Variants in MMP28 observed in about 807,000 individuals in gnomAD.
The protein encoded by MMP28 is matrix metalloproteinase-28.
A neutral mutation model predicts 60.5 loss-of-function variants in MMP28; 55 were observed. That is an observed-to-expected ratio of 0.91 (90% CI 0.73 to 1.14). The LOEUF (loss-of-function observed/expected upper bound fraction) is 1.14, where lower values mean the gene tolerates loss of function less well. Among genes scored for constraint, MMP28 ranks in the 50% most tolerant of loss-of-function variants. The pLI is 0.00. For synonymous variants in MMP28, 318 were observed against 312.5 expected, an observed-to-expected ratio of 1.02 and a Z score of -0.18; for missense variants, 686 against 738.3, an observed-to-expected ratio of 0.93 and a Z score of 0.82.
At chr17:35,777,654 T>C (rs534209090) in intron 3 of MMP28, among the ~76,000 whole-genome samples, 77 of 152,232 alleles carry the variant, frequency 5.1e-4, no homozygotes, top group Admixed American at 1.2e-3. Flanking sequence ...TAATGATAGA[T>C]GAAAACCTGG....
intron 2 of MMP28, among the ~76,000 whole-genome samples, chr17:35,759,239 G>A (rs2085774424): frequency 6.6e-6 from 1 of 152,216 alleles, no homozygotes; most frequent in Admixed American, 6.5e-5. Flanking sequence ...TAAAGAGAAT[G>A]AGCTTGTTGG....
downstream of MMP28, among the ~76,000 whole-genome samples, chr17:35,761,932 A>G (rs1227242258): frequency 6.6e-6 from 1 of 152,194 alleles, no homozygotes; most frequent in Non-Finnish European, 1.5e-5. Flanking sequence ...CATGAGCAGT[A>G]CCTTTGCTCT....
intron 5 of MMP28, among the ~76,000 whole-genome samples, chr17:35,768,781 G>A (rs1486493681): frequency 6.6e-6 from 1 of 152,114 alleles, no homozygotes; most frequent in Non-Finnish European, 1.5e-5. Flanking sequence ...CTGCACGCTA[G>A]CCTGGGTGAC....
downstream of MMP28, chr17:35,764,095 C>T: frequency 1.3e-6 from 2 of 1,549,912 alleles, no homozygotes; most frequent in Non-Finnish European, 1.7e-6. Context: ...GGTCGGAGGA[C>T]GAGGACGAGG....
chr17:35,787,704 G>T (rs2086691940), intron 1 of MMP28, among the ~76,000 whole-genome samples: 1 of 152,106 alleles, frequency 6.6e-6, no homozygotes, highest in Non-Finnish European at 1.5e-5. Flanking sequence ...GGCCAGGCTG[G>T]TCTCAAACTC....
downstream of MMP28, chr17:35,763,897 A>T (rs942022106): frequency 1.4e-5 from 9 of 654,352 alleles, no homozygotes; most frequent in Non-Finnish European, 1.7e-5. Flanking sequence ...ACCCTGTCTC[A>T]AAATAAATAA....
At chr17:35,778,838 C>T in intron 3 of MMP28, 50 bp downstream of exon 3, 1 of 1,613,990 alleles carries the variant, frequency 6.2e-7, no homozygotes, top group Non-Finnish European at 8.5e-7. Context: ...TAGCCATTGG[C>T]TTCAAGACAT....
rs148485523 is a variant in MMP28, at chr17:35,774,841, G to A, written c.380-1437C>T. Among the ~76,000 whole-genome samples, 984 of 152,324 alleles carry A rather than the reference G, an allele frequency of 6.5e-3. 11 individuals are homozygous for A. The highest frequency in any genetic ancestry group is 0.023 in the African/African-American group (941 of 41,570). ...GGGAAGACCTGGGGTCCAGAGGTGCGGCTGAGGGTTTGTGATGTACCAGTC... is the reference window on the plus strand; with the variant it reads ...GGGAAGACCTGGGGTCCAGAGGTGCAGCTGAGGGTTTGTGATGTACCAGTC... On this transcript the variant is annotated intron_variant, in intron 3 of 7. Coordinates refer to ENST00000605424, the MANE Select transcript of MMP28 (RefSeq NM_024302.5).
chr17:35,780,733 G>C (rs1399988401), intron 1 of MMP28, among the ~76,000 whole-genome samples: 2 of 151,984 alleles, frequency 1.3e-5, no homozygotes, highest in East Asian at 3.9e-4. Flanking sequence ...TACTCTGGAG[G>C]CTGAGGCATG....
Position 35,766,449 on chromosome 17 carries a change from A to G in MMP28, c.*51T>C. The G allele has an allele frequency of 1.3e-6, 2 of 1,505,022 alleles. No individual in the cohort carries two copies. Among genetic ancestry groups the G allele is most frequent in the Non-Finnish European group, 1.8e-6 (2 of 1,126,630 alleles). The allele number at this position is 1,505,022 out of a possible 1,614,324, so 93.2% of individuals were successfully genotyped here. A position where few individuals can be genotyped will look rare whatever the true frequency, so the allele number is the denominator to read the frequency against. On this transcript the variant is annotated 3_prime_UTR_variant, in exon 8 of 8. Transcript: ENST00000605424. This position sits in a 1 kb window ranked among gnomAD's most constrained non-coding sequence, Gnocchi z 4.3. ...AGGGGTTCTGCCCCGGGGGTGGGGA[A>G]CATGATTTTGCCCTGAGAGCACCAC... is the stretch of plus-strand genomic sequence containing the variant.
At position 35,786,699 on chromosome 17, in the gene MMP28, C is replaced by CAAAA. The variant is rs200165337; in HGVS notation, c.112-7380_112-7377dup. Among the ~76,000 whole-genome samples, 196 of 71,060 alleles carry CAAAA rather than the reference C, an allele frequency of 2.8e-3. 19 individuals are homozygous for CAAAA. Among genetic ancestry groups the CAAAA allele is most frequent in the African/African-American group, 0.011 (168 of 15,762 alleles). The allele number at this position is 71,060 out of a possible 152,430, so 46.6% of individuals were successfully genotyped here. On this transcript the variant is annotated intron_variant, in intron 1 of 7. Coordinates refer to ENST00000605424, the MANE Select transcript of MMP28 (RefSeq NM_024302.5). ...GCCTCATAGTGAGATCCTGTCTCTACAAAAAAAAAAAAAAAAGATGAATGA... is the reference window on the plus strand; with the variant it reads ...GCCTCATAGTGAGATCCTGTCTCTACAAAAAAAAAAAAAAAAAAAAGATGAATGA...
At chr17:35,775,748 C>T (rs867203693) in intron 3 of MMP28, among the ~76,000 whole-genome samples, 23 of 152,232 alleles carry the variant, frequency 1.5e-4, no homozygotes, top group Admixed American at 3.9e-4. Context: ...TATACATTCC[C>T]CTCTTCCTTC....
In MMP28 at chr17:35,770,341, G is replaced by A. The variant is rs1555605170; in HGVS notation, c.605-29C>T. 5 of 1,471,504 alleles carry A rather than the reference G, an allele frequency of 3.4e-6. No individual in the cohort carries two copies. The South Asian group carries it at 5.6e-5, about 16-fold the overall frequency. 91.2% of individuals were successfully genotyped at this position (1,471,504 alleles called of 1,614,324 possible). A position where few individuals can be genotyped will look rare whatever the true frequency, so the allele number is the denominator to read the frequency against. On this transcript the variant is annotated intron_variant, in intron 4 of 7. Transcript: ENST00000605424. ...CAGGTGGGGCAGAAGGTCAGGGGGT[G>A]CCACGGCCCACGACGCCCCCAGGTA...
chr17:35,760,888 C>T, downstream of MMP28: 1 of 1,610,614 alleles, frequency 6.2e-7, no homozygotes, highest in South Asian at 1.1e-5. Flanking sequence ...GTTCTGGGCA[C>T]CCTCTCACAT....
At chr17:35,757,948 C>T (rs1168513924) in intron 2 of MMP28, 3 of 152,098 alleles carry the variant, frequency 2.0e-5, no homozygotes, top group African/African-American at 7.2e-5. Flanking sequence ...CACTGTGCCC[C>T]GCTTAGATAT....
At chr17:35,779,908 A>T (rs1555608900) in intron 1 of MMP28, among the ~76,000 whole-genome samples, 1 of 152,320 alleles carries the variant, frequency 6.6e-6, no homozygotes, top group East Asian at 1.9e-4. Context: ...ATTCATATGC[A>T]TCCTGAAACA....
intron 1 of MMP28, among the ~76,000 whole-genome samples, chr17:35,781,139 A>G (rs1417442892): frequency 1.3e-5 from 2 of 152,212 alleles, no homozygotes; most frequent in Non-Finnish European, 2.9e-5. Flanking sequence ...GAAGAAACAG[A>G]GCGTGAGATG....
chr17:35,762,792 G>A (rs1039815316), downstream of MMP28, among the ~76,000 whole-genome samples: 3 of 152,066 alleles, frequency 2.0e-5, no homozygotes, highest in Non-Finnish European at 2.9e-5. Flanking sequence ...AGGAAATCCC[G>A]TTCAGAAAAT....
chr17:35,790,827 T>C (rs1027955754), intron 1 of MMP28, among the ~76,000 whole-genome samples: 6 of 151,876 alleles, frequency 4.0e-5, no homozygotes, highest in African/African-American at 1.4e-4. Flanking sequence ...CATCTCTCAC[T>C]TCCCACTTGA....
Sources: allele counts gnomAD v4.1 joint callset (sites outside exome capture counted in the v4.1 genomes callset), GRCh38; gene constraint gnomAD v4.1.1; non-coding constraint Gnocchi (gnomAD v3.1); transcripts MANE v1.5; gene names NCBI Gene and HGNC (gene_info 2026-07-23, HGNC 2026-07-21).